The following OSTC variants were observed in gnomAD, a reference collection of about 807,000 sequenced individuals.
OSTC encodes the protein oligosaccharyltransferase complex non-catalytic subunit, also known as oligosaccharyltransferase complex subunit OSTC.
OSTC carries 16 observed loss-of-function variants against 16.4 expected under a neutral mutation model. The observed-to-expected ratio is 0.98, with a 90% CI of 0.66 to 1.49. The LOEUF is 1.49. OSTC is among the 40% of genes most tolerant of loss of function. The probability of loss-of-function intolerance (pLI) is 0.00; values close to 1 mark genes in which losing one functional copy is unlikely to be tolerated. For missense variants in OSTC, 139 were observed against 186.3 expected (o/e 0.75, Z 1.48); for synonymous variants, 67 against 68.5 (o/e 0.98, Z 0.11).
At chr4:108,651,300 T>C (rs187234433) in intron 1 of OSTC, 1 of 157,702 alleles carries the variant, frequency 6.3e-6, no homozygotes, top group East Asian at 1.9e-4. Context: ...TTTTGTTGGC[T>C]CAAACCTAGG....
intron 3 of OSTC, among the ~76,000 whole-genome samples, chr4:108,665,445 C>CTTTTT (rs371138600): frequency 1.1e-4 from 12 of 114,116 alleles, no homozygotes; most frequent in African/African-American, 3.0e-4. Context: ...TGTTGTAAAC[C>CTTTTT]TTTTTTTTTT....
intron 3 of OSTC, 105 bp downstream of exon 3, chr4:108,657,752 T>C (rs1726747784): frequency 9.4e-7 from 1 of 1,060,332 alleles, no homozygotes; most frequent in Non-Finnish European, 1.3e-6. Context: ...TTTACATGGG[T>C]GAAAAATCCA....
Position 108,667,566 on chromosome 4 carries a change from CAAAT to C in OSTC, c.*305_*308del. On this transcript the variant is annotated 3_prime_UTR_variant, in exon 4 of 4. Transcript: ENST00000361564. Reference sequence around the variant, plus strand: ...TATTCCATATCTACAACTATAATATCAAATAAAGTGATTATTTTTTACAACCCTC... The same window carrying C: ...TATTCCATATCTACAACTATAATATCAAAGTGATTATTTTTTACAACCCTC... 4.0e-6 allele frequency: 1 copy of C among 253,000 alleles called. No homozygotes were observed. The highest frequency in any genetic ancestry group is 7.4e-6 in the Non-Finnish European group (1 of 134,684). The allele number at this position is 253,000 out of a possible 1,614,324, so 15.7% of individuals were successfully genotyped here.
chr4:108,655,413 GC>G (rs1360281853), intron 1 of OSTC, 150 bp from the exon 2 acceptor site: 45 of 480,798 alleles, frequency 9.4e-5, no homozygotes, highest in Admixed American at 4.4e-5. Context: ...TTGGCAGTAA[GC>G]CAAGTGGCGC....
chr4:108,664,387 A>G (rs896142417), intron 3 of OSTC, among the ~76,000 whole-genome samples: 1 of 152,102 alleles, frequency 6.6e-6, no homozygotes, highest in African/African-American at 2.4e-5. Context: ...CTCTTGTTTC[A>G]TAGTGTAAGC....
At chr4:108,664,131 A>G (rs1338849748) in intron 3 of OSTC, among the ~76,000 whole-genome samples, 2 of 149,372 alleles carry the variant, frequency 1.3e-5, no homozygotes, top group African/African-American at 5.2e-5. Flanking sequence ...TAACATTATA[A>G]TATTTCTTAG....
Position 108,657,536 on chromosome 4 carries a change from C to G in OSTC, c.320C>G (p.Ser107Trp). Reference sequence around the variant, plus strand: ...TTAGGTTTCATAATCCTGGACCGATCGAATGCACCAAATATCCCAAAACTC... The same window carrying G: ...TTAGGTTTCATAATCCTGGACCGATGGAATGCACCAAATATCCCAAAACTC... ...GGLGFIILDRSNAPNIPKLNR... is the reference protein window; with the variant it reads ...GGLGFIILDRWNAPNIPKLNR... The change falls in exon 3 of 4, where the codon TCG (serine) becomes TGG (tryptophan). Residue 107 changes from serine to tryptophan, a missense_variant. Ser to Trp is a radical substitution (Grantham distance 177). Transcript: ENST00000361564. 1 of 1,613,518 alleles carries G rather than the reference C, an allele frequency of 6.2e-7. No homozygotes were observed. Among genetic ancestry groups the G allele is most frequent in the Non-Finnish European group, 8.5e-7 (1 of 1,179,534 alleles).
At chr4:108,667,184 G>A in intron 3 of OSTC, 63 bp from the exon 4 acceptor site, 1 of 1,375,790 alleles carries the variant, frequency 7.3e-7, no homozygotes, top group Non-Finnish European at 1.0e-6. Context: ...GAAATACTAT[G>A]ATAATAAGAG....
rs1726678544 is a variant in OSTC, at chr4:108,655,547, T to A, written c.140-17T>A. 1.4e-6 allele frequency: 2 copies of A among 1,460,468 alleles called. No individual in the cohort carries two copies. Among genetic ancestry groups the A allele is most frequent in the African/African-American group, 2.8e-5 (2 of 71,602 alleles). 90.5% of individuals were successfully genotyped at this position (1,460,468 alleles called of 1,614,324 possible). On this transcript the variant is annotated splice_polypyrimidine_tract_variant and intron_variant, in intron 1 of 3. Transcript: ENST00000361564. ...ATTAGTAATACAATCTAATCTGTTC[T>A]GTTGTCTTTCTTATAGGAATAATTT... is the stretch of plus-strand genomic sequence containing the variant.
rs1727043147 is a variant in OSTC, at chr4:108,667,590, A to AC, written c.*328dup. On this transcript the variant is annotated 3_prime_UTR_variant, in exon 4 of 4. Coordinates refer to ENST00000361564, the MANE Select transcript of OSTC (RefSeq NM_021227.4). ...TCAAATAAAGTGATTATTTTTTACAACCCTCTTAACATTTTTTGGAGATGA... is the reference window on the plus strand; with the variant it reads ...TCAAATAAAGTGATTATTTTTTACAACCCCTCTTAACATTTTTTGGAGATGA... The AC allele has an allele frequency of 4.9e-6, 1 of 204,586 alleles. No individual in the cohort carries two copies. The highest frequency in any genetic ancestry group is 2.3e-5 in the African/African-American group (1 of 43,510). 12.7% of individuals were successfully genotyped at this position (204,586 alleles called of 1,614,324 possible).
chr4:108,655,353 C>G (rs991728174), intron 1 of OSTC, among the ~76,000 whole-genome samples: 2 of 152,056 alleles, frequency 1.3e-5, no homozygotes, highest in Non-Finnish European at 2.9e-5. Context: ...GTAGTCCCAG[C>G]TACTTGGGAG....
chr4:108,650,758 G>T lies in OSTC; in HGVS notation c.103G>T (p.Ala35Ser). 6.2e-7 allele frequency: 1 copy of T among 1,614,222 alleles called. No individual in the cohort carries two copies. The highest frequency in any genetic ancestry group is 1.1e-5 in the South Asian group (1 of 91,080). ...CATGCCGTCGGCCATGACTGTGTAT[G>T]CTCTGGTGGTGGTGTCTTACTTCCT... ...LHMPSAMTVY[A>S]LVVVSYFLIT... Residue 35 changes from alanine to serine, a missense_variant, in exon 1 of 4, where the codon GCT becomes TCT. By Grantham distance (99) the Ala-to-Ser change is moderately conservative. Coordinates refer to ENST00000361564, the MANE Select transcript of OSTC (RefSeq NM_021227.4).
At chr4:108,657,064 CA>C (rs762968337) in intron 2 of OSTC, among the ~76,000 whole-genome samples, 1,390 of 109,142 alleles carry the variant, frequency 0.013, 13 homozygotes, top group African/African-American at 0.036. Flanking sequence ...GACTCAATCT[CA>C]AAAAAAAAAA....
chr4:108,663,841 T>G (rs1726926383), intron 3 of OSTC, among the ~76,000 whole-genome samples: 1 of 152,212 alleles, frequency 6.6e-6, no homozygotes, highest in African/African-American at 2.4e-5. Context: ...AGAATGGCCT[T>G]AAAGATTAAA....
chr4:108,666,781 G>A (rs7672086), intron 3 of OSTC, among the ~76,000 whole-genome samples: 2,348 of 151,040 alleles, frequency 0.016, 74 homozygotes, highest in African/African-American at 0.054. Flanking sequence ...CAAGGCAGGC[G>A]GATCACCTGA....
intron 1 of OSTC, 98 bp from the exon 2 acceptor site, chr4:108,655,466 C>CAAAA (rs55703323): frequency 0.047 from 29,048 of 614,838 alleles, 15 homozygotes; most frequent in South Asian, 0.096. Context: ...GACTCTGTCT[C>CAAAA]AAAAAAAGTA....
At chr4:108,658,746 C>T (rs1726776364) in intron 3 of OSTC, among the ~76,000 whole-genome samples, 1 of 151,962 alleles carries the variant, frequency 6.6e-6, no homozygotes, top group African/African-American at 2.4e-5. Flanking sequence ...GTCAACTATA[C>T]TGATTTCTTA....
chr4:108,653,045 A>C (rs1182429528), intron 1 of OSTC, among the ~76,000 whole-genome samples: 1 of 152,048 alleles, frequency 6.6e-6, no homozygotes, highest in African/African-American at 2.4e-5. Context: ...TTTCAGAAAC[A>C]AAAAACAAAC....
chr4:108,657,110 A>C (rs1360440991), intron 2 of OSTC, among the ~76,000 whole-genome samples: 1 of 151,874 alleles, frequency 6.6e-6, no homozygotes. Context: ...AAGCGTTCGT[A>C]TACATAAAAT....
Sources: allele counts gnomAD v4.1 joint callset (sites outside exome capture counted in the v4.1 genomes callset), GRCh38; gene constraint gnomAD v4.1.1; transcripts MANE v1.5; gene names NCBI Gene and HGNC (gene_info 2026-07-23, HGNC 2026-07-21).